The following KCTD15 variants were observed in gnomAD, a reference collection of about 807,000 sequenced individuals.
The protein encoded by KCTD15 is BTB/POZ domain-containing protein KCTD15.
KCTD15 carries 11 observed loss-of-function variants against 27.2 expected under a neutral mutation model. That is an observed-to-expected ratio of 0.41 (90% CI 0.25 to 0.67). The LOEUF is 0.67. Among genes scored for constraint, KCTD15 ranks in the 30% least tolerant of loss-of-function variants. The pLI is 0.35. For missense variants in KCTD15, 350 were observed against 409.3 expected, an observed-to-expected ratio of 0.86 and a Z score of 1.25; for synonymous variants, 163 against 176.0, an observed-to-expected ratio of 0.93 and a Z score of 0.58.
rs192200058 is a variant in KCTD15 at position 33,797,985 on chromosome 19, G to T, written c.-126-683G>T. Among the ~76,000 whole-genome samples, 1,078 of 152,152 alleles carry T rather than the reference G, an allele frequency of 7.1e-3. 15 individuals are homozygous for T. The highest frequency in any genetic ancestry group is 0.025 in the African/African-American group (1,021 of 41,542). ...CCTCCCAGCCCAGCCCCGCGCTTCG[G>T]GTGCCGCGGCCACCCCGCCCCGCGG... is the stretch of plus-strand genomic sequence containing the variant. On this transcript the variant is annotated intron_variant, in intron 1 of 6. Coordinates refer to ENST00000683859, the MANE Select transcript of KCTD15 (RefSeq NM_001129994.2).
intron 6 of KCTD15, chr19:33,811,761 A>G: frequency 1.9e-6 from 3 of 1,569,186 alleles, no homozygotes; most frequent in Non-Finnish European, 2.6e-6. Flanking sequence ...AAAAAAATCG[A>G]TCTGTACTTT....
upstream of KCTD15, among the ~76,000 whole-genome samples, chr19:33,794,746 G>T (rs1438570974): frequency 6.6e-6 from 1 of 152,238 alleles, no homozygotes; most frequent in Non-Finnish European, 1.5e-5. Flanking sequence ...CAAAGTATTT[G>T]AATACTTGCT....
At chr19:33,796,144 A>G (rs1975311536), upstream of KCTD15, 1 of 151,888 alleles carries the variant, frequency 6.6e-6, no homozygotes, top group African/African-American at 2.4e-5. Context: ...GGAGCCGAAA[A>G]TTTATGCCCA....
upstream of KCTD15, among the ~76,000 whole-genome samples, chr19:33,794,726 T>C (rs1048118245): frequency 6.6e-6 from 1 of 152,268 alleles, no homozygotes; most frequent in Non-Finnish European, 1.5e-5. Flanking sequence ...TAAGGGTGGA[T>C]ACAGGAGATC....
chr19:33,803,845 TA>T (rs11444875), intron 4 of KCTD15, among the ~76,000 whole-genome samples: 64 of 146,490 alleles, frequency 4.4e-4, no homozygotes, highest in East Asian at 6.0e-4. Flanking sequence ...AGCCAGAGCT[TA>T]AAAAAAAAAA....
chr19:33,806,745 A>T, intron 4 of KCTD15, 118 bp from the exon 5 acceptor site: 1 of 1,159,156 alleles, frequency 8.6e-7, no homozygotes, highest in Non-Finnish European at 1.2e-6. Context: ...AGAGTCACCC[A>T]TGTCAGGTCC....
chr19:33,812,001 T>C, intron 6 of KCTD15: 1 of 1,463,108 alleles, frequency 6.8e-7, no homozygotes, highest in Non-Finnish European at 9.0e-7. Context: ...GGACCGGCTC[T>C]TCCTGGATGG....
At chr19:33,798,557 C>T (rs932749000) in intron 1 of KCTD15, 111 bp from the exon 2 acceptor site, 2 of 152,538 alleles carry the variant, frequency 1.3e-5, no homozygotes, top group Non-Finnish European at 1.5e-5. Context: ...GCTGAGGCCC[C>T]TGCAACAGGC....
Position 33,813,169 on chromosome 19 carries a change from G to A in KCTD15, c.*221G>A, listed in dbSNP as rs539715824. On this transcript the variant is annotated 3_prime_UTR_variant, in exon 7 of 7. Coordinates refer to ENST00000683859, the MANE Select transcript of KCTD15 (RefSeq NM_001129994.2). Reference sequence around the variant, plus strand: ...TGTTGATGCGACCCAAAGATACAGCGGTGGGATCTCTGCTGCCAGCTCTCC... The same window carrying A: ...TGTTGATGCGACCCAAAGATACAGCAGTGGGATCTCTGCTGCCAGCTCTCC... 91 of 627,892 alleles carry A rather than the reference G, an allele frequency of 1.4e-4. No homozygotes were observed. The highest frequency in any genetic ancestry group is 3.7e-4 in the South Asian group (20 of 53,990). 38.9% of individuals were successfully genotyped at this position (627,892 alleles called of 1,614,324 possible).
chr19:33,811,683 C>T, intron 6 of KCTD15, 131 bp downstream of exon 6: 2 of 1,515,250 alleles, frequency 1.3e-6, no homozygotes, highest in Non-Finnish European at 1.8e-6. Context: ...ACAAAAAAGG[C>T]AACAATGTGT....
intron 5 of KCTD15, among the ~76,000 whole-genome samples, chr19:33,807,336 C>T (rs1975744849): frequency 6.6e-6 from 1 of 152,190 alleles, no homozygotes; most frequent in Admixed American, 6.5e-5. Context: ...GCCTGTAATC[C>T]CAGCACTTTG....
At chr19:33,795,573 G>C (rs570116871), upstream of KCTD15, among the ~76,000 whole-genome samples, 163 of 152,092 alleles carry the variant, frequency 1.1e-3, 1 homozygote, top group African/African-American at 3.8e-3. Flanking sequence ...GGCGTCCCTG[G>C]AGCCAGGCGG....
chr19:33,812,226 A>C (rs1166232226), intron 6 of KCTD15: 56 of 1,061,634 alleles, frequency 5.3e-5, no homozygotes, highest in Non-Finnish European at 6.4e-5. Context: ...TCACAGAGGC[A>C]CAAACCCACA....
At chr19:33,798,239 T>A (rs778689538) in intron 1 of KCTD15, 2 of 151,808 alleles carry the variant, frequency 1.3e-5, no homozygotes, top group African/African-American at 4.8e-5. Flanking sequence ...CGCCTTCTGT[T>A]TACCTTTTAT....
At position 33,815,148 on chromosome 19, in the gene KCTD15, C is replaced by G. The variant is rs1976054600; in HGVS notation, c.*2200C>G. ...CGAGTGGTAGAGATTCTCGAACATT[C>G]TCAAACTCTCTTTTTGGGTAAATGA... On this transcript the variant is annotated 3_prime_UTR_variant, in exon 7 of 7. Transcript: ENST00000683859. 6.6e-6 allele frequency: 1 copy of G among 152,110 alleles called. No homozygotes were observed. The highest frequency in any genetic ancestry group is 1.5e-5 in the Non-Finnish European group (1 of 68,016). The allele number at this position is 152,110 out of a possible 1,614,324, so 9.4% of individuals were successfully genotyped here. A position where few individuals can be genotyped will look rare whatever the true frequency, so the allele number is the denominator to read the frequency against.
At chr19:33,794,523 G>A (rs1249088756), upstream of KCTD15, among the ~76,000 whole-genome samples, 1 of 152,242 alleles carries the variant, frequency 6.6e-6, no homozygotes, top group South Asian at 2.1e-4. Flanking sequence ...AAAGAGGTGT[G>A]AGGGGCGCTG....
At chr19:33,807,523 A>G (rs1287318696) in intron 5 of KCTD15, among the ~76,000 whole-genome samples, 1 of 152,186 alleles carries the variant, frequency 6.6e-6, no homozygotes, top group East Asian at 1.9e-4. Flanking sequence ...GGAGTTTGAG[A>G]CCAGCCTGGC....
intron 5 of KCTD15, among the ~76,000 whole-genome samples, chr19:33,810,619 C>T (rs566038982): frequency 6.7e-6 from 1 of 150,124 alleles, no homozygotes; most frequent in African/African-American, 2.5e-5. Context: ...GAGCCAAAAT[C>T]GAGCCACTGC....
intron 4 of KCTD15, among the ~76,000 whole-genome samples, chr19:33,805,616 G>A (rs1975686627): frequency 6.6e-6 from 1 of 152,226 alleles, no homozygotes; most frequent in Non-Finnish European, 1.5e-5. Flanking sequence ...TGTTCTCCCA[G>A]CTGTGCAGAG....
Sources: gnomAD v4.1 joint callset for allele counts (sites outside exome capture counted in the v4.1 genomes callset) on GRCh38, gnomAD v4.1.1 for gene constraint, MANE v1.5 for transcripts, NCBI Gene and HGNC (gene_info 2026-07-23, HGNC 2026-07-21) for gene names.